The following PARN variants were observed in gnomAD, a reference collection of about 807,000 sequenced individuals.
PARN encodes poly(A)-specific ribonuclease PARN.
PARN carries 71 observed loss-of-function variants against 102.8 expected under a neutral mutation model. The ratio of observed to expected loss-of-function variants is 0.69; its 90% confidence interval spans 0.57 to 0.84. The LOEUF (loss-of-function observed/expected upper bound fraction) is 0.84, where lower values mean the gene tolerates loss of function less well. PARN is among the 40% of genes least tolerant of loss of function. The pLI is 0.00. For synonymous variants in PARN, 261 were observed against 252.9 expected (o/e 1.03, Z -0.30); for missense variants, 782 against 760.9 (o/e 1.03, Z -0.33).
intron 21 of PARN, among the ~76,000 whole-genome samples, chr16:14,523,817 T>A (rs1220030475): frequency 6.6e-6 from 1 of 151,974 alleles, no homozygotes; most frequent in Non-Finnish European, 1.5e-5. Flanking sequence ...CTAAGTATAG[T>A]CACTTGTTGC....
At chr16:14,447,978 CTATCTAT>C (rs1961277085) in intron 22 of PARN, among the ~76,000 whole-genome samples, 3 of 148,822 alleles carry the variant, frequency 2.0e-5, no homozygotes, top group Admixed American at 2.0e-4. Context: ...ATCTATCTAT[CTATCTAT>C]CTAATCTAAT....
intron 5 of PARN, among the ~76,000 whole-genome samples, chr16:14,617,951 C>T (rs1972032569): frequency 6.6e-6 from 1 of 152,192 alleles, no homozygotes; most frequent in Admixed American, 6.5e-5. Context: ...AAGCAATCCT[C>T]CTGCCTCGGC....
chr16:14,443,057 TCTAAGCCTCAGTTTCCTCTGTAC>T (rs1961017100), intron 23 of PARN, among the ~76,000 whole-genome samples: 1 of 152,242 alleles, frequency 6.6e-6, no homozygotes, highest in South Asian at 2.1e-4. Flanking sequence ...AGTCTGCAAC[TCTAAGCCTCAGTTTCCTCTGTAC>T]AACTGGGAAA....
intron 21 of PARN, among the ~76,000 whole-genome samples, chr16:14,550,438 C>A (rs913332142): frequency 4.6e-5 from 7 of 152,122 alleles, no homozygotes; most frequent in Admixed American, 2.0e-4. Flanking sequence ...GGAATCCTTA[C>A]AATAACACTA....
rs564183950 is a variant in PARN at position 14,545,684 on chromosome 16, C to T, written c.1480+6337G>A. ...GTCCAGACAAAAGTAAACATTGGGG[C>T]AGACTTGTAAGCTGCCGGAATGTTG... On this transcript the variant is annotated intron_variant, in intron 21 of 23. Coordinates refer to ENST00000437198, the MANE Select transcript of PARN (RefSeq NM_002582.4). Among the ~76,000 whole-genome samples the T allele has an allele frequency of 2.1e-4, 32 of 152,196 alleles. 3 individuals carry two copies. The South Asian group carries it at 6.4e-3, about 31-fold the overall frequency.
intron 13 of PARN, among the ~76,000 whole-genome samples, chr16:14,588,881 A>G (rs1364536635): frequency 6.6e-6 from 1 of 151,584 alleles, no homozygotes; most frequent in African/African-American, 2.4e-5. Flanking sequence ...ACTCTGTCTC[A>G]AAAAAACAAA....
At chr16:14,502,263 C>T (rs1367810029) in intron 21 of PARN, among the ~76,000 whole-genome samples, 1 of 152,188 alleles carries the variant, frequency 6.6e-6, no homozygotes, top group Non-Finnish European at 1.5e-5. Flanking sequence ...TAAAATTACC[C>T]TTGAAACTTC....
intron 13 of PARN, among the ~76,000 whole-genome samples, chr16:14,590,807 G>A (rs909255433): frequency 6.6e-6 from 1 of 152,260 alleles, no homozygotes; most frequent in Non-Finnish European, 1.5e-5. Context: ...ACCCACTCAT[G>A]ACGTCTGTAT....
intron 5 of PARN, among the ~76,000 whole-genome samples, chr16:14,625,199 A>G (rs78702153): frequency 6.8e-6 from 1 of 146,704 alleles, no homozygotes; most frequent in Admixed American, 6.9e-5. Context: ...AAAATTTACC[A>G]AAAAAAAAAC....
chr16:14,475,744 C>T (rs1963007693), intron 22 of PARN, among the ~76,000 whole-genome samples: 1 of 152,196 alleles, frequency 6.6e-6, no homozygotes, highest in Non-Finnish European at 1.5e-5. Context: ...TTCCTCTCGA[C>T]CATAGTGCCG....
At chr16:14,501,235 C>A (rs371010705) in intron 21 of PARN, among the ~76,000 whole-genome samples, 1 of 148,382 alleles carries the variant, frequency 6.7e-6, no homozygotes, top group African/African-American at 2.5e-5. Context: ...TAGAGACCAG[C>A]CTGGGCAAAA....
intron 21 of PARN, chr16:14,501,483 G>A (rs1236615204): frequency 2.2e-5 from 2 of 90,632 alleles, no homozygotes; most frequent in South Asian, 8.3e-4. Flanking sequence ...GAGAATGAAT[G>A]TTAAAATGTA....
At chr16:14,519,620 TGG>T (rs1035183742) in intron 21 of PARN, among the ~76,000 whole-genome samples, 3 of 152,102 alleles carry the variant, frequency 2.0e-5, no homozygotes, top group African/African-American at 7.2e-5. Flanking sequence ...TTTGCAACAC[TGG>T]GAGAACTGGA....
At chr16:14,554,434 A>T (rs1028701357) in intron 19 of PARN, among the ~76,000 whole-genome samples, 43 of 144,594 alleles carry the variant, frequency 3.0e-4, no homozygotes, top group African/African-American at 9.9e-4. Flanking sequence ...TTATTTTTTA[A>T]TTTTTTTTTT....
At chr16:14,567,739 C>T (rs956670062) in intron 18 of PARN, among the ~76,000 whole-genome samples, 8 of 152,124 alleles carry the variant, frequency 5.3e-5, no homozygotes, top group African/African-American at 1.9e-4. Flanking sequence ...AAGGGATGTG[C>T]CCGGCACAGG....
At chr16:14,629,728 G>C (rs1972913619) in intron 1 of PARN, 54 bp from the exon 2 acceptor site, 1 of 1,363,534 alleles carries the variant, frequency 7.3e-7, no homozygotes, top group Non-Finnish European at 1.1e-6. Context: ...TCCTGCTAAG[G>C]GGAGAGGGAA....
In PARN at chr16:14,524,652, GAAT is replaced by G. The variant is rs1329576587; in HGVS notation, c.1480+27366_1480+27368del. On this transcript the variant is annotated intron_variant, in intron 21 of 23. Transcript: ENST00000437198. ...TACTGAAGATATTTTATCTCCACTA[GAAT>G]ATAATTTCCCAAACATTATTCAATT... Among the ~76,000 whole-genome samples, 242 of 152,226 alleles carry G rather than the reference GAAT, an allele frequency of 1.6e-3. 2 individuals are homozygous for G. Among genetic ancestry groups the G allele is most frequent in the Non-Finnish European group, 1.2e-4 (8 of 68,018 alleles).
chr16:14,612,709 C>T (rs1317815308), intron 6 of PARN, among the ~76,000 whole-genome samples: 4 of 151,764 alleles, frequency 2.6e-5, no homozygotes, highest in Admixed American at 6.6e-5. Flanking sequence ...GCAATTCTCC[C>T]GCCTCAGCCT....
intron 22 of PARN, among the ~76,000 whole-genome samples, chr16:14,479,176 T>C (rs1963241638): frequency 6.6e-6 from 1 of 152,278 alleles, no homozygotes; most frequent in Non-Finnish European, 1.5e-5. Context: ...ACTAACACTT[T>C]AGGAGGCCAA....
Sources: gnomAD v4.1 joint callset for allele counts (sites outside exome capture counted in the v4.1 genomes callset) on GRCh38, gnomAD v4.1.1 for gene constraint, MANE v1.5 for transcripts, NCBI Gene and HGNC (gene_info 2026-07-23, HGNC 2026-07-21) for gene names.